DLG2: variants seen among roughly 807,000 people sequenced by gnomAD.
DLG2 encodes the protein discs large MAGUK scaffold protein 2.
In DLG2, 45 loss-of-function variants were observed where a neutral mutation model predicts 132.5. The ratio of observed to expected loss-of-function variants is 0.34; its 90% confidence interval spans 0.27 to 0.44. The LOEUF (loss-of-function observed/expected upper bound fraction) is 0.44. DLG2 is among the 20% of genes least tolerant of loss of function. The pLI is 1.00. For missense variants in DLG2, 1,045 were observed against 1,196.9 expected (o/e 0.87, Z 1.87); for synonymous variants, 424 against 419.6 (o/e 1.01, Z -0.13).
At chr11:83,543,546 A>G (rs1001559589) in intron 19 of DLG2, among the ~76,000 whole-genome samples, 7 of 152,118 alleles carry the variant, frequency 4.6e-5, no homozygotes, top group Non-Finnish European at 1.5e-5. Context: ...TCAGCTGGGC[A>G]AGTTACTTAG....
chr11:84,402,607 C>A lies in DLG2; in HGVS notation c.519+131963G>T, dbSNP rs981686409. ...AAAAAAAAATTAACTCGGCCAGGTG[C>A]GGGGCTCACGCCTGTAATTTTACCC... On this transcript the variant is annotated intron_variant, in intron 7 of 27. Transcript: ENST00000376104. 3.8e-4 allele frequency among the ~76,000 whole-genome samples: 58 copies of A among 151,726 alleles called. 1 individual carries two copies. Among genetic ancestry groups the A allele is most frequent in the African/African-American group, 1.3e-3 (52 of 41,230 alleles).
At chr11:84,969,023 T>C (rs1328949009) in intron 6 of DLG2, among the ~76,000 whole-genome samples, 1 of 150,824 alleles carries the variant, frequency 6.6e-6, no homozygotes, top group African/African-American at 2.4e-5. Flanking sequence ...AAAGCCTCTC[T>C]ACTTAAAGCC....
intron 3 of DLG2, among the ~76,000 whole-genome samples, chr11:85,437,577 C>A (rs1049600899): frequency 1.3e-5 from 2 of 151,988 alleles, no homozygotes; most frequent in African/African-American, 4.8e-5. Flanking sequence ...CACAAATATA[C>A]ACTACTCAAA....
intron 7 of DLG2, among the ~76,000 whole-genome samples, chr11:84,389,659 CT>C (rs1358390755): frequency 3.9e-5 from 6 of 152,058 alleles, no homozygotes; most frequent in African/African-American, 1.4e-4. Flanking sequence ...TAATTTCACA[CT>C]TTTTTATTTA....
At chr11:84,971,701 G>A (rs2054118942) in intron 6 of DLG2, among the ~76,000 whole-genome samples, 1 of 151,746 alleles carries the variant, frequency 6.6e-6, no homozygotes, top group African/African-American at 2.4e-5. Flanking sequence ...ATTCTTTGAT[G>A]GTATCAAAAG....
At chr11:83,862,610 T>A (rs2061631069) in intron 16 of DLG2, among the ~76,000 whole-genome samples, 1 of 152,052 alleles carries the variant, frequency 6.6e-6, no homozygotes, top group East Asian at 1.9e-4. Context: ...AATTGGATTG[T>A]TTGTAACATA....
At chr11:85,547,666 G>A (rs895607673) in intron 3 of DLG2, among the ~76,000 whole-genome samples, 2 of 152,032 alleles carry the variant, frequency 1.3e-5, no homozygotes, top group African/African-American at 2.4e-5. Flanking sequence ...CAGATTTCTT[G>A]GAGGTTTTGT....
chr11:84,301,616 G>A (rs532570207), intron 7 of DLG2, among the ~76,000 whole-genome samples: 53 of 129,708 alleles, frequency 4.1e-4, no homozygotes, highest in Non-Finnish European at 6.8e-4. Flanking sequence ...CCGAGATCAT[G>A]CCACTGCACT....
intron 11 of DLG2, among the ~76,000 whole-genome samples, chr11:84,040,346 G>C (rs2096030348): frequency 6.6e-6 from 1 of 152,104 alleles, no homozygotes; most frequent in East Asian, 1.9e-4. Flanking sequence ...GGATTTTTAT[G>C]GTTTTAGGTC....
At chr11:84,563,106 T>C (rs2099433851) in intron 6 of DLG2, among the ~76,000 whole-genome samples, 1 of 152,228 alleles carries the variant, frequency 6.6e-6, no homozygotes, top group Admixed American at 6.5e-5. Context: ...TCCATTCATA[T>C]TGGGCTGCAT....
chr11:83,653,143 AAAGAG>A (rs1237539302), intron 18 of DLG2, among the ~76,000 whole-genome samples: 1 of 152,230 alleles, frequency 6.6e-6, no homozygotes, highest in Admixed American at 6.5e-5. Context: ...CCTGAACAAC[AAAGAG>A]AAGACAATGA....
chr11:83,985,794 T>A (rs1375754844), intron 11 of DLG2, among the ~76,000 whole-genome samples: 1 of 152,170 alleles, frequency 6.6e-6, no homozygotes, highest in Non-Finnish European at 1.5e-5. Flanking sequence ...TCTTTGCTAT[T>A]GGGAATAGTG....
intron 8 of DLG2, among the ~76,000 whole-genome samples, chr11:84,232,886 T>A (rs1031409347): frequency 3.9e-5 from 6 of 152,168 alleles, no homozygotes; most frequent in Non-Finnish European, 7.3e-5. Flanking sequence ...CCCCATCTGA[T>A]GAATGACAAG....
chr11:84,914,187 T>C (rs915635361), intron 6 of DLG2, among the ~76,000 whole-genome samples: 1 of 152,224 alleles, frequency 6.6e-6, no homozygotes, highest in Non-Finnish European at 1.5e-5. Flanking sequence ...AAGAAAGGTA[T>C]TCCCTTGGCT....
At chr11:84,715,658 A>T (rs1019094112) in intron 6 of DLG2, among the ~76,000 whole-genome samples, 5 of 152,018 alleles carry the variant, frequency 3.3e-5, no homozygotes, top group Admixed American at 6.6e-5. Flanking sequence ...ATTTAGTTTA[A>T]TGTCCTCCAG....
chr11:84,833,921 G>T (rs2079373292), intron 6 of DLG2, among the ~76,000 whole-genome samples: 1 of 151,556 alleles, frequency 6.6e-6, no homozygotes, highest in South Asian at 2.1e-4. Flanking sequence ...TGTAAAATTG[G>T]ATGTCAAGGG....
At chr11:84,271,468 C>T (rs893793949) in intron 7 of DLG2, among the ~76,000 whole-genome samples, 1 of 152,154 alleles carries the variant, frequency 6.6e-6, no homozygotes, top group African/African-American at 2.4e-5. Context: ...CACCACAATG[C>T]TATAGTCAAG....
At chr11:84,502,236 TTC>T in intron 7 of DLG2, among the ~76,000 whole-genome samples, 1 of 29,446 alleles carries the variant, frequency 3.4e-5, no homozygotes, top group Non-Finnish European at 6.2e-5. Flanking sequence ...CCTTCCTTCC[TTC>T]CTTCCTTCCT....
At chr11:84,015,822 T>C (rs1379541006) in intron 11 of DLG2, among the ~76,000 whole-genome samples, 4 of 152,316 alleles carry the variant, frequency 2.6e-5, no homozygotes, top group East Asian at 3.9e-4. Flanking sequence ...TCTTTGCTAT[T>C]GTGAATAGTG....
Sources: allele counts gnomAD v4.1 joint callset (sites outside exome capture counted in the v4.1 genomes callset), GRCh38; gene constraint gnomAD v4.1.1; transcripts MANE v1.5; gene names NCBI Gene and HGNC (gene_info 2026-07-23, HGNC 2026-07-21).